MYO3B: variants seen among roughly 807,000 people sequenced by gnomAD.
MYO3B encodes the protein myosin-IIIb.
In MYO3B, 156 loss-of-function variants were observed where a neutral mutation model predicts 174.6. The ratio of observed to expected loss-of-function variants is 0.89; its 90% CI spans 0.78 to 1.02. MYO3B has a LOEUF of 1.02. MYO3B is among the 50% of genes least tolerant of loss of function. The pLI is 0.00. For missense variants in MYO3B, 1,632 were observed against 1,639.4 expected, an observed-to-expected ratio of 1.00 and a Z score of 0.08; for synonymous variants, 563 against 569.1, an observed-to-expected ratio of 0.99 and a Z score of 0.15.
intron 7 of MYO3B, among the ~76,000 whole-genome samples, chr2:170,327,202 T>A (rs951882362): frequency 6.6e-6 from 1 of 152,160 alleles, no homozygotes. Context: ...CTGGCCCACA[T>A]GGTAAAACCC....
At chr2:170,378,802 G>A (rs1338351891) in intron 9 of MYO3B, among the ~76,000 whole-genome samples, 2 of 152,202 alleles carry the variant, frequency 1.3e-5, no homozygotes, top group African/African-American at 4.8e-5. Context: ...GTCATCCAAT[G>A]TGAAGCTTGG....
intron 8 of MYO3B, among the ~76,000 whole-genome samples, chr2:170,357,950 C>T (rs939901023): frequency 5.3e-5 from 8 of 152,178 alleles, no homozygotes; most frequent in Middle Eastern, 6.8e-3. Flanking sequence ...GTCGGGAGTT[C>T]GAGACCAGGC....
At chr2:170,202,716 G>A (rs1039969736) in intron 3 of MYO3B, among the ~76,000 whole-genome samples, 1 of 152,114 alleles carries the variant, frequency 6.6e-6, no homozygotes, top group Admixed American at 6.5e-5. Context: ...TGACAATGAT[G>A]GTCCACATAG....
intron 9 of MYO3B, among the ~76,000 whole-genome samples, chr2:170,370,952 C>T (rs1429149458): frequency 6.6e-6 from 1 of 151,348 alleles, no homozygotes; most frequent in Admixed American, 6.6e-5. Context: ...GGTGCGGTGG[C>T]TCACGCCTGT....
At chr2:170,192,045 T>C (rs1177658883) in intron 1 of MYO3B, among the ~76,000 whole-genome samples, 1 of 152,178 alleles carries the variant, frequency 6.6e-6, no homozygotes, top group African/African-American at 2.4e-5. Flanking sequence ...AATATTTTGT[T>C]ATTTTACTCT....
chr2:170,386,170 G>T lies in MYO3B; in HGVS notation c.1291-19G>T, dbSNP rs773740388. ...CTGTGCTATAAATTCTTCACTTGAC[G>T]CTCCATTTTCTGTGCCAGTGCATTG... is the stretch of plus-strand genomic sequence containing the variant. On this transcript the variant is annotated intron_variant, in intron 12 of 34. Coordinates refer to ENST00000408978, the MANE Select transcript of MYO3B (RefSeq NM_138995.5). 3 of 1,610,256 alleles carry T rather than the reference G, an allele frequency of 1.9e-6. No individual in the cohort carries two copies. The African/African-American group carries it at 4.0e-5, about 22-fold the overall frequency.
chr2:170,483,203 T>C (rs1009227347), intron 25 of MYO3B, among the ~76,000 whole-genome samples: 2 of 152,240 alleles, frequency 1.3e-5, no homozygotes, highest in Non-Finnish European at 1.5e-5. Flanking sequence ...CCAAATGTTC[T>C]GTGTTATAAG....
At chr2:170,528,487 C>A (rs929434509) in intron 30 of MYO3B, among the ~76,000 whole-genome samples, 3 of 152,174 alleles carry the variant, frequency 2.0e-5, no homozygotes, top group African/African-American at 7.2e-5. Context: ...CTCACTGCAA[C>A]CTCTGCCTCC....
intron 23 of MYO3B, among the ~76,000 whole-genome samples, chr2:170,461,573 C>T (rs866943552): frequency 6.7e-5 from 10 of 149,958 alleles, no homozygotes; most frequent in African/African-American, 2.2e-4. Context: ...GTCAGGAATT[C>T]GAGACCAGCC....
intron 7 of MYO3B, among the ~76,000 whole-genome samples, chr2:170,288,021 G>A (rs1337525115): frequency 2.0e-5 from 3 of 151,960 alleles, no homozygotes; most frequent in Admixed American, 6.6e-5. Context: ...TGTCAAAGAT[G>A]AGCTGATTGT....
chr2:170,207,176 AC>A, intron 3 of MYO3B, among the ~76,000 whole-genome samples: 1 of 151,400 alleles, frequency 6.6e-6, no homozygotes, highest in South Asian at 2.1e-4. Flanking sequence ...TTACACAGAC[AC>A]CCCCCTCCCA....
chr2:170,630,351 G>C (rs1332385494), intron 32 of MYO3B, among the ~76,000 whole-genome samples: 2 of 152,176 alleles, frequency 1.3e-5, no homozygotes, highest in East Asian at 3.8e-4. Flanking sequence ...TGGTGGAGGG[G>C]TGTCCACCAT....
chr2:170,427,714 A>T lies in MYO3B; in HGVS notation c.2651-16253A>T, dbSNP rs28676459. On this transcript the variant is annotated intron_variant, in intron 22 of 34. Transcript: ENST00000408978. ...CCCAAGGATATATACATATACATGG[A>T]TGTTTATACTAGGTTCTTTTATAAA... 7.2e-3 allele frequency among the ~76,000 whole-genome samples: 1,101 copies of T among 152,270 alleles called. 16 individuals are homozygous for T. The highest frequency in any genetic ancestry group is 0.025 in the African/African-American group (1,053 of 41,558).
At chr2:170,649,262 AATATATTATATATAAAATAAT>A (rs1432672693) in intron 32 of MYO3B, among the ~76,000 whole-genome samples, 583 of 38,034 alleles carry the variant, frequency 0.015, 65 homozygotes, top group African/African-American at 0.036. Flanking sequence ...AATAATATAT[AATATATTATATATAAAATAAT>A]ATATATTATA....
chr2:170,268,869 A>T (rs1481040307), intron 7 of MYO3B, among the ~76,000 whole-genome samples: 1 of 152,240 alleles, frequency 6.6e-6, no homozygotes, highest in African/African-American at 2.4e-5. Flanking sequence ...ACAGAAGAAA[A>T]ATACAAATGG....
chr2:170,323,084 T>C (rs2093840701), intron 7 of MYO3B, among the ~76,000 whole-genome samples: 1 of 152,232 alleles, frequency 6.6e-6, no homozygotes, highest in Non-Finnish European at 1.5e-5. Context: ...CAATTTCTTT[T>C]TGTCTATTAC....
intron 32 of MYO3B, among the ~76,000 whole-genome samples, chr2:170,567,965 C>T (rs1367292580): frequency 6.6e-6 from 1 of 152,184 alleles, no homozygotes. Flanking sequence ...GAACTTCAAG[C>T]AAGGTGCCAA....
rs372747919 is a variant in MYO3B, at chr2:170,593,349, C to T, written c.3733+49361C>T. Among the ~76,000 whole-genome samples the T allele has an allele frequency of 1.5e-3, 228 of 152,306 alleles. 2 individuals carry two copies. Among genetic ancestry groups the T allele is most frequent in the Middle Eastern group, 0.01 (3 of 294 alleles). Reference sequence around the variant, plus strand: ...AACTCCTGGGCTCACGCGATCCTCCCACCTTGGCTTTCCAAAGTGCTGGGG... The same window carrying T: ...AACTCCTGGGCTCACGCGATCCTCCTACCTTGGCTTTCCAAAGTGCTGGGG... On this transcript the variant is annotated intron_variant, in intron 32 of 34. Transcript: ENST00000408978.
intron 23 of MYO3B, among the ~76,000 whole-genome samples, chr2:170,460,896 AT>A (rs1684243091): frequency 6.6e-6 from 1 of 152,160 alleles, no homozygotes; most frequent in African/African-American, 2.4e-5. Flanking sequence ...AAATTTTCTT[AT>A]AAGAGTATTC....
Sources: allele counts gnomAD v4.1 joint callset (sites outside exome capture counted in the v4.1 genomes callset), GRCh38; gene constraint gnomAD v4.1.1; transcripts MANE v1.5; gene names NCBI Gene and HGNC (gene_info 2026-07-23, HGNC 2026-07-21).